Variants in STAB2 observed in about 807,000 individuals in gnomAD.
STAB2 encodes stabilin 2.
In STAB2, 288 loss-of-function variants were observed where a neutral mutation model predicts 338.1. That is an observed-to-expected ratio of 0.85 (90% CI 0.77 to 0.94). The LOEUF is 0.94. Ranked by LOEUF, STAB2 falls within the 40% of genes least tolerant of loss-of-function variation. The pLI is 0.00. For synonymous variants in STAB2, 1,202 were observed against 1,193.3 expected, an observed-to-expected ratio of 1.01 and a Z score of -0.15; for missense variants, 3,141 against 3,210.1, an observed-to-expected ratio of 0.98 and a Z score of 0.52.
chr12:103,695,436 T>C, intron 31 of STAB2, 114 bp from the exon 32 acceptor site: 1 of 874,566 alleles, frequency 1.1e-6, no homozygotes, highest in African/African-American at 1.7e-5. Context: ...AGGTTGTCAA[T>C]GTCAATCCAT....
Position 103,690,778 on chromosome 12 carries a change from C to T in STAB2, c.3297+240C>T, listed in dbSNP as rs143755174. 1.2e-4 allele frequency among the ~76,000 whole-genome samples: 18 copies of T among 152,258 alleles called. No individual in the cohort carries two copies. The East Asian group carries it at 3.3e-3, about 28-fold the overall frequency. On this transcript the variant is annotated intron_variant, in intron 30 of 68. Transcript: ENST00000388887. ...TGGCCTTCTGCCCACTGATTGGCCA[C>T]AAGTCTTGCAACAGACCACAGACTA...
intron 16 of STAB2, 140 bp downstream of exon 16, chr12:103,660,524 A>G: frequency 7.9e-7 from 1 of 1,259,886 alleles, no homozygotes; most frequent in Non-Finnish European, 1.2e-6. Context: ...CAATGAGTCC[A>G]TTATCAGAGC....
rs1957582044 is a variant in STAB2 at position 103,638,211 on chromosome 12, A to G, written c.905A>G (p.Gln302Arg). The G allele has an allele frequency of 2.5e-6, 4 of 1,612,436 alleles. No homozygotes were observed. The highest frequency in any genetic ancestry group is 3.4e-6 in the Non-Finnish European group (4 of 1,178,978). The change falls in exon 8 of 69, where the codon CAG becomes CGG. Residue 302 changes from glutamine to arginine, a missense_variant and splice_region_variant. By Grantham distance (43) the Gln-to-Arg change is conservative (BLOSUM62 1). Transcript: ENST00000388887. Reference protein sequence around the residue: ...STVCKYDGPGQSHCECKEHYQ... With the variant: ...STVCKYDGPGRSHCECKEHYQ... Reference sequence around the variant, plus strand: ...GTGTGCAAATATGATGGGCCTGGACAGGTGAGCAAATGATGCAGGGAACTG... The same window carrying G: ...GTGTGCAAATATGATGGGCCTGGACGGGTGAGCAAATGATGCAGGGAACTG...
At chr12:103,587,768 C>A (rs892418251) in intron 1 of STAB2, among the ~76,000 whole-genome samples, 1 of 152,174 alleles carries the variant, frequency 6.6e-6, no homozygotes, top group Non-Finnish European at 1.5e-5. Context: ...TGAAGCGCCC[C>A]GCTGCTGTTG....
At chr12:103,621,204 C>G (rs1332908782) in intron 4 of STAB2, among the ~76,000 whole-genome samples, 1 of 152,092 alleles carries the variant, frequency 6.6e-6, no homozygotes, top group Non-Finnish European at 1.5e-5. Context: ...CTATATAGGA[C>G]TATAGAAATT....
At chr12:103,744,536 A>C (rs1240677841) in intron 56 of STAB2, among the ~76,000 whole-genome samples, 1 of 147,066 alleles carries the variant, frequency 6.8e-6, no homozygotes, top group African/African-American at 2.5e-5. Context: ...GTGTGATCAC[A>C]GCTTACTGTA....
intron 24 of STAB2, 120 bp from the exon 25 acceptor site, chr12:103,677,333 C>A: frequency 7.5e-7 from 1 of 1,329,794 alleles, no homozygotes; most frequent in South Asian, 1.5e-5. Flanking sequence ...TAAGCATTTC[C>A]ACCTCACTCA....
chr12:103,746,507 C>T (rs1218189691), intron 57 of STAB2, 90 bp from the exon 58 acceptor site: 9 of 1,203,000 alleles, frequency 7.5e-6, no homozygotes, highest in Admixed American at 6.8e-5. Flanking sequence ...ACACAGTGGT[C>T]GTCCAGAGAG....
intron 5 of STAB2, among the ~76,000 whole-genome samples, chr12:103,624,677 A>G (rs1029732959): frequency 1.1e-4 from 17 of 152,234 alleles, no homozygotes; most frequent in Admixed American, 7.2e-4. Context: ...TCAGTGGCTC[A>G]CGCCTGTAAT....
intron 61 of STAB2, among the ~76,000 whole-genome samples, chr12:103,753,814 A>G (rs1474969683): frequency 1.3e-5 from 2 of 152,192 alleles, no homozygotes; most frequent in Non-Finnish European, 2.9e-5. Context: ...AGCAATACCC[A>G]CGAGCCTAGG....
chr12:103,668,622 T>C, intron 19 of STAB2, 21 bp from the exon 20 acceptor site: 1 of 1,550,460 alleles, frequency 6.4e-7, no homozygotes, highest in Non-Finnish European at 8.7e-7. Context: ...TGCCATGCTT[T>C]CCCTCCTTGG....
chr12:103,729,207 G>A (rs532945605), intron 48 of STAB2, among the ~76,000 whole-genome samples: 1 of 152,334 alleles, frequency 6.6e-6, no homozygotes, highest in South Asian at 2.1e-4. Context: ...GGAGGGTGGA[G>A]AGTGGGAGGA....
At chr12:103,730,083 A>G (rs768201507) in intron 48 of STAB2, 33 bp from the exon 49 acceptor site, 4 of 1,551,598 alleles carry the variant, frequency 2.6e-6, no homozygotes, top group Non-Finnish European at 3.5e-6. Context: ...TTCACTTTGC[A>G]CTCATTTCTT....
At chr12:103,596,684 G>T (rs1231163230) in intron 3 of STAB2, among the ~76,000 whole-genome samples, 1 of 152,104 alleles carries the variant, frequency 6.6e-6, no homozygotes, top group Non-Finnish European at 1.5e-5. Context: ...TTAACAGTGG[G>T]TAACTCTTAA....
intron 63 of STAB2, among the ~76,000 whole-genome samples, chr12:103,756,821 G>A (rs1184155221): frequency 1.3e-5 from 2 of 151,872 alleles, no homozygotes; most frequent in East Asian, 3.9e-4. Context: ...CCATCTCACT[G>A]GTGTAAAAAT....
chr12:103,715,893 G>C lies in STAB2; in HGVS notation c.4611+5G>C, dbSNP rs760210994. 10 of 1,613,936 alleles carry C rather than the reference G, an allele frequency of 6.2e-6. No homozygotes were observed. In the South Asian group the frequency reaches 7.7e-5, roughly 12 times the overall value. ...ACACAGACAGGACCCAACCAGGTGAGTGCCACCTCTCCCAGGCCCTTAGGT... is the reference window on the plus strand; with the variant it reads ...ACACAGACAGGACCCAACCAGGTGACTGCCACCTCTCCCAGGCCCTTAGGT... On this transcript the variant is annotated splice_donor_5th_base_variant and intron_variant, in intron 43 of 68. Transcript: ENST00000388887.
intron 3 of STAB2, among the ~76,000 whole-genome samples, chr12:103,610,298 C>T (rs1957101551): frequency 6.6e-6 from 1 of 152,160 alleles, no homozygotes; most frequent in South Asian, 2.1e-4. Flanking sequence ...TAGACTTCGG[C>T]TGTGAATCCG....
At chr12:103,709,651 C>G (rs868087915) in intron 39 of STAB2, among the ~76,000 whole-genome samples, 8 of 152,234 alleles carry the variant, frequency 5.3e-5, no homozygotes, top group African/African-American at 2.4e-5. Flanking sequence ...AATGCAGTTG[C>G]CTTTTAATGG....
chr12:103,732,182 A>C (rs1593296302), intron 50 of STAB2, among the ~76,000 whole-genome samples: 1 of 152,052 alleles, frequency 6.6e-6, no homozygotes, highest in East Asian at 1.9e-4. Context: ...GATGGCATTC[A>C]CCTGTAGTTC....
Sources: allele counts gnomAD v4.1 joint callset (sites outside exome capture counted in the v4.1 genomes callset), GRCh38; gene constraint gnomAD v4.1.1; transcripts MANE v1.5; gene names NCBI Gene and HGNC (gene_info 2026-07-23, HGNC 2026-07-21).